The following MATK variants were observed in gnomAD, a reference collection of about 807,000 sequenced individuals.
MATK encodes the protein megakaryocyte-associated tyrosine-protein kinase.
A neutral mutation model predicts 59.8 loss-of-function variants in MATK; 41 were observed. The ratio of observed to expected loss-of-function variants is 0.69; its 90% CI spans 0.53 to 0.89. MATK has a LOEUF of 0.89. Among genes scored for constraint, MATK ranks in the 40% least tolerant of loss-of-function variants. The pLI is 0.00. For synonymous variants in MATK, 308 were observed against 306.1 expected (o/e 1.01, Z -0.06); for missense variants, 593 against 719.6 (o/e 0.82, Z 2.01).
At position 3,786,121 on chromosome 19, in the gene MATK, C is replaced by T. The variant is rs577996100; in HGVS notation, c.-152+48G>A. 244 of 865,314 alleles carry T rather than the reference C, an allele frequency of 2.8e-4. No homozygotes were observed. Among genetic ancestry groups the T allele is most frequent in the Middle Eastern group, 1.8e-3 (3 of 1,704 alleles). The allele number at this position is 865,314 out of a possible 1,614,324, so 53.6% of individuals were successfully genotyped here. A position where few individuals can be genotyped will look rare whatever the true frequency, so the allele number is the denominator to read the frequency against. On this transcript the variant is annotated intron_variant, in intron 1 of 13. Transcript: ENST00000310132. This position sits in a 1 kb window ranked among gnomAD's most constrained non-coding sequence, Gnocchi z 4.1. Reference sequence around the variant, plus strand: ...CGCCTAGAGCCCTCGGGGTTTCCCCCCACCCCGGCCTCGGGGTCTCTCCAC... The same window carrying T: ...CGCCTAGAGCCCTCGGGGTTTCCCCTCACCCCGGCCTCGGGGTCTCTCCAC...
Position 3,784,162 on chromosome 19 carries a change from C to CGGA in MATK, c.323_324insTCC (p.Arg108_Glu109insPro), listed in dbSNP as rs2037443831. On this transcript the variant is annotated inframe_insertion, in exon 5 of 14. Coordinates refer to ENST00000310132, the MANE Select transcript of MATK (RefSeq NM_139355.3). ...GCTTGGGGTCTGCGGAGAGGGCCTC[C>CGGA]CGCTCCCGCAGCGCCCCAGCTGCCA... 1 of 1,613,234 alleles carries CGGA rather than the reference C, an allele frequency of 6.2e-7. No individual in the cohort carries two copies. The highest frequency in any genetic ancestry group is 8.5e-7 in the Non-Finnish European group (1 of 1,179,648).
intron 1 of MATK, among the ~76,000 whole-genome samples, chr19:3,799,871 G>A (rs780729647): frequency 3.9e-5 from 6 of 151,960 alleles, no homozygotes; most frequent in Non-Finnish European, 5.9e-5. Flanking sequence ...AGCCGGGCGC[G>A]GTGGCTCACG....
chr19:3,784,987 G>A (rs1463314472), intron 2 of MATK, 77 bp downstream of exon 2: 2 of 1,487,892 alleles, frequency 1.3e-6, no homozygotes, highest in Non-Finnish European at 1.9e-6. Flanking sequence ...TGGGCAGGCA[G>A]AGAGAGCCTC....
chr19:3,786,985 TG>T, upstream of MATK, among the ~76,000 whole-genome samples: 1 of 151,656 alleles, frequency 6.6e-6, no homozygotes, highest in African/African-American at 2.4e-5. The surrounding 1 kb of genome is among the most constrained non-coding windows in gnomAD (Gnocchi z 4.1). Flanking sequence ...ATATGGAGGG[TG>T]GGGGCCCCAC....
rs984544637 is a variant in MATK, at chr19:3,780,008, C to T, written c.743-211G>A. The stretch of plus-strand genomic sequence containing the variant: ...ATCAGAGAACCATCTGGCTCTGGCG[C>T]GGTGGCTCACGCCTGTAATCCCAGC... On this transcript the variant is annotated intron_variant, in intron 8 of 13. Transcript: ENST00000310132. Among the ~76,000 whole-genome samples the T allele has an allele frequency of 2.0e-5, 3 of 152,200 alleles. No individual in the cohort carries two copies. In the South Asian group the frequency reaches 6.2e-4, roughly 32 times the overall value.
At chr19:3,787,967 TGCCCAG>T (rs2037504228), upstream of MATK, among the ~76,000 whole-genome samples, 1 of 151,270 alleles carries the variant, frequency 6.6e-6, no homozygotes, top group Non-Finnish European at 1.5e-5. Context: ...CTCTCTGTGT[TGCCCAG>T]GCTGGCCTCA....
upstream of MATK, among the ~76,000 whole-genome samples, chr19:3,788,840 T>C (rs540892123): frequency 1.3e-5 from 2 of 151,992 alleles, no homozygotes; most frequent in Admixed American, 6.6e-5. Flanking sequence ...TACAGGCACA[T>C]GCCACCACAC....
At chr19:3,795,541 T>G (rs1446801126) in intron 1 of MATK, among the ~76,000 whole-genome samples, 1 of 151,982 alleles carries the variant, frequency 6.6e-6, no homozygotes. Flanking sequence ...GTGCTGGGAT[T>G]ACAGATATGA....
rs200360910 is a variant in MATK, at chr19:3,784,040, C to T, written c.363-7G>A. 40 of 1,601,352 alleles carry T rather than the reference C, an allele frequency of 2.5e-5. No homozygotes were observed. The East Asian group carries it at 8.3e-4, about 33-fold the overall frequency. ...GATCTTCCCGTGGAACCACCTGCGG[C>T]CACGGAAGGGGTGGGTCAGACTGGG... On this transcript the variant is annotated splice_polypyrimidine_tract_variant and splice_region_variant and intron_variant, in intron 5 of 13. Transcript: ENST00000310132.
At chr19:3,787,358 A>T (rs1197088124), upstream of MATK, 1 of 147,918 alleles carries the variant, frequency 6.8e-6, no homozygotes, top group African/African-American at 2.5e-5. Flanking sequence ...CCTGGGAGGA[A>T]TCCAAGAATT....
chr19:3,788,467 A>G (rs999459705), upstream of MATK, among the ~76,000 whole-genome samples: 1 of 151,644 alleles, frequency 6.6e-6, no homozygotes, highest in African/African-American at 2.4e-5. Flanking sequence ...TAAAAATACA[A>G]AAATTAGTCT....
chr19:3,780,223 T>C (rs998377788), intron 8 of MATK, among the ~76,000 whole-genome samples: 1 of 151,802 alleles, frequency 6.6e-6, no homozygotes, highest in African/African-American at 2.4e-5. Context: ...GAGGTTGCAG[T>C]GAGCCAAGAT....
At chr19:3,780,102 G>A (rs1433373674) in intron 8 of MATK, among the ~76,000 whole-genome samples, 1 of 152,160 alleles carries the variant, frequency 6.6e-6, no homozygotes, top group African/African-American at 2.4e-5. Flanking sequence ...CTAACATGGA[G>A]AAACCCTGTC....
rs1458685810 is a variant in MATK, at chr19:3,778,356, C to G, written c.1351G>C (p.Gly451Arg). Reference protein sequence around the residue: ...YRMEPPEGCPGPVHVLMSSCW... With the variant: ...YRMEPPEGCPRPVHVLMSSCW... ...CTGCTCATGAGGACGTGCACGGGGCCTGGACAGCCCTCGGGGGGTTCCATG... is the reference window on the plus strand; with the variant it reads ...CTGCTCATGAGGACGTGCACGGGGCGTGGACAGCCCTCGGGGGGTTCCATG... The change falls in exon 14 of 14, where the codon GGC becomes CGC. Residue 451 changes from glycine (G) to arginine (R), a missense_variant. Coordinates refer to ENST00000310132, the MANE Select transcript of MATK (RefSeq NM_139355.3). The G allele has an allele frequency of 6.3e-7, 1 of 1,598,614 alleles. No individual in the cohort carries two copies. Among genetic ancestry groups the G allele is most frequent in the South Asian group, 1.1e-5 (1 of 90,028 alleles).
intron 1 of MATK, among the ~76,000 whole-genome samples, chr19:3,793,730 G>A (rs1412090183): frequency 3.3e-5 from 5 of 151,848 alleles, no homozygotes; most frequent in Non-Finnish European, 7.4e-5. Flanking sequence ...TTAGCTGGGC[G>A]TGGTGGCATG....
chr19:3,778,359 G>A lies in MATK; in HGVS notation c.1348C>T (p.Pro450Ser). 6.2e-7 allele frequency: 1 copy of A among 1,600,296 alleles called. No individual in the cohort carries two copies. The highest frequency in any genetic ancestry group is 8.5e-7 in the Non-Finnish European group (1 of 1,174,408). Residue 450 changes from proline (P) to serine (S), a missense_variant, in exon 14 of 14, where the codon CCA becomes TCA. Coordinates refer to ENST00000310132, the MANE Select transcript of MATK (RefSeq NM_139355.3). ...CTCATGAGGACGTGCACGGGGCCTG[G>A]ACAGCCCTCGGGGGGTTCCATGCGG... ...GYRMEPPEGC[P>S]GPVHVLMSSC...
intron 1 of MATK, among the ~76,000 whole-genome samples, chr19:3,792,851 C>A (rs2037556174): frequency 6.6e-6 from 1 of 152,148 alleles, no homozygotes; most frequent in Non-Finnish European, 1.5e-5. Flanking sequence ...GGAGGACAGG[C>A]CGGGGTGGGG....
chr19:3,784,769 TG>T, intron 3 of MATK, 55 bp downstream of exon 3: 1 of 1,286,842 alleles, frequency 7.8e-7, no homozygotes, highest in Non-Finnish European at 1.1e-6. Flanking sequence ...TCTCAGGGTG[TG>T]GACGGAGTTG....
intron 1 of MATK, among the ~76,000 whole-genome samples, chr19:3,791,592 C>T (rs1490424144): frequency 6.6e-6 from 1 of 152,008 alleles, no homozygotes; most frequent in Non-Finnish European, 1.5e-5. Context: ...ATCTGCCCGC[C>T]TCGGCATCCC....
Sources: gnomAD v4.1 joint callset for allele counts (sites outside exome capture counted in the v4.1 genomes callset) on GRCh38, gnomAD v4.1.1 for gene constraint, Gnocchi (gnomAD v3.1) non-coding constraint, MANE v1.5 for transcripts, NCBI Gene and HGNC (gene_info 2026-07-23, HGNC 2026-07-21) for gene names.